KAZN: variants seen among roughly 807,000 people sequenced by gnomAD.
KAZN encodes kazrin.
In KAZN, 40 loss-of-function variants were observed where a neutral mutation model predicts 87.4. The ratio of observed to expected loss-of-function variants is 0.46; its 90% CI spans 0.36 to 0.60. KAZN has a LOEUF of 0.60. Ranked by LOEUF, KAZN falls within the 20% of genes least tolerant of loss-of-function variation. The pLI is 0.00. For synonymous variants in KAZN, 466 were observed against 458.3 expected, an observed-to-expected ratio of 1.02 and a Z score of -0.22; for missense variants, 898 against 1,073.9, an observed-to-expected ratio of 0.84 and a Z score of 2.29.
At chr1:14,995,563 G>A (rs1047269946) in intron 2 of KAZN, among the ~76,000 whole-genome samples, 2 of 152,014 alleles carry the variant, frequency 1.3e-5, no homozygotes, top group Non-Finnish European at 2.9e-5. Flanking sequence ...GGCAGAGGTT[G>A]CAGTGAGCCC....
chr1:14,008,220 A>G (rs1205426408), intron 1 of KAZN, among the ~76,000 whole-genome samples: 2 of 152,158 alleles, frequency 1.3e-5, no homozygotes. Flanking sequence ...GGATAAAAAT[A>G]ACTTCCCATG....
At chr1:14,065,768 GAT>G (rs1441897431) in intron 1 of KAZN, among the ~76,000 whole-genome samples, 2 of 152,090 alleles carry the variant, frequency 1.3e-5, no homozygotes, top group Non-Finnish European at 2.9e-5. Context: ...GCTAGTGACT[GAT>G]CTCAAAGCAG....
intron 2 of KAZN, among the ~76,000 whole-genome samples, chr1:14,511,565 A>G (rs1374210962): frequency 6.6e-6 from 1 of 152,174 alleles, no homozygotes; most frequent in Non-Finnish European, 1.5e-5. Context: ...ATCACAACAC[A>G]TTTATCATTC....
At chr1:14,174,629 C>A (rs2100279316) in intron 1 of KAZN, among the ~76,000 whole-genome samples, 1 of 152,226 alleles carries the variant, frequency 6.6e-6, no homozygotes, top group Non-Finnish European at 1.5e-5. Context: ...AAATAAATAA[C>A]CAAAGGGCCA....
intron 1 of KAZN, among the ~76,000 whole-genome samples, chr1:14,954,599 G>A (rs10927595): frequency 0.055 from 8,301 of 152,282 alleles, 777 homozygotes; most frequent in African/African-American, 0.19. Context: ...TCCTAGCCAC[G>A]TGGGTGCACG....
At chr1:15,103,552 A>C in intron 12 of KAZN, 92 bp downstream of exon 12, 1 of 828,618 alleles carries the variant, frequency 1.2e-6, no homozygotes, top group East Asian at 2.7e-5. Context: ...TCACATGCAA[A>C]TCAATATGCA....
rs528981753 is a variant in KAZN at position 14,694,003 on chromosome 1, T to C, written c.226+94780T>C. Among the ~76,000 whole-genome samples the C allele has an allele frequency of 7.2e-5, 11 of 152,358 alleles. No homozygotes were observed. The East Asian group carries it at 1.9e-3, about 27-fold the overall frequency. ...TTAACTCGAGGCAGTGGTGTGGTTTTAGCACCAAGCTAGAAGGAGATGGGT... is the reference window on the plus strand; with the variant it reads ...TTAACTCGAGGCAGTGGTGTGGTTTCAGCACCAAGCTAGAAGGAGATGGGT... On this transcript the variant is annotated intron_variant, in intron 1 of 14. Coordinates refer to ENST00000376030, the MANE Select transcript of KAZN (RefSeq NM_201628.3).
chr1:13,927,888 A>G, intron 1 of KAZN, among the ~76,000 whole-genome samples: 1 of 152,222 alleles, frequency 6.6e-6, no homozygotes, highest in Admixed American at 6.5e-5. Context: ...AGATATGGTC[A>G]CATGAACATC....
intron 2 of KAZN, among the ~76,000 whole-genome samples, chr1:14,325,488 G>C (rs1392097694): frequency 1.3e-5 from 2 of 152,030 alleles, no homozygotes; most frequent in Admixed American, 6.6e-5. Flanking sequence ...TGATCTATAA[G>C]ACACCATAAA....
At chr1:14,374,515 A>G (rs1660748736) in intron 2 of KAZN, among the ~76,000 whole-genome samples, 1 of 152,196 alleles carries the variant, frequency 6.6e-6, no homozygotes, top group African/African-American at 2.4e-5. Flanking sequence ...CTCACTTATT[A>G]TATCCATTAT....
At chr1:14,344,769 A>G (rs901669779) in intron 2 of KAZN, among the ~76,000 whole-genome samples, 1 of 152,142 alleles carries the variant, frequency 6.6e-6, no homozygotes, top group Non-Finnish European at 1.5e-5. Flanking sequence ...CAAATTGTCA[A>G]TAGGGTCTCT....
chr1:14,675,258 A>G (rs1640150295), intron 1 of KAZN, among the ~76,000 whole-genome samples: 1 of 152,152 alleles, frequency 6.6e-6, no homozygotes, highest in South Asian at 2.1e-4. Context: ...GTTGAACTTG[A>G]AGTAGGATTG....
At chr1:14,761,440 G>A (rs973644735) in intron 1 of KAZN, among the ~76,000 whole-genome samples, 15 of 152,148 alleles carry the variant, frequency 9.9e-5, no homozygotes, top group Non-Finnish European at 1.9e-4. Flanking sequence ...CTTCAACACT[G>A]ATTCAGCATT....
chr1:14,269,898 T>C (rs1651785923), intron 2 of KAZN, among the ~76,000 whole-genome samples: 1 of 152,196 alleles, frequency 6.6e-6, no homozygotes, highest in South Asian at 2.1e-4. Flanking sequence ...AGTATCTCTG[T>C]CTGAGTCTGC....
intron 1 of KAZN, among the ~76,000 whole-genome samples, chr1:14,064,085 C>T (rs553278405): frequency 6.6e-6 from 1 of 152,034 alleles, no homozygotes; most frequent in Non-Finnish European, 1.5e-5. Flanking sequence ...CTGGCTAATT[C>T]TTTTGTATTT....
intron 2 of KAZN, among the ~76,000 whole-genome samples, chr1:14,448,842 T>C (rs1191404596): frequency 6.6e-6 from 1 of 152,164 alleles, no homozygotes; most frequent in Non-Finnish European, 1.5e-5. Context: ...TCAACCCCCA[T>C]GACATTCACA....
chr1:14,083,454 G>T (rs919722772), intron 1 of KAZN, among the ~76,000 whole-genome samples: 1 of 152,184 alleles, frequency 6.6e-6, no homozygotes, highest in South Asian at 2.1e-4. Context: ...GTTGTCTCAT[G>T]TCTCATCTGA....
chr1:13,905,260 A>G (rs777851359), intron 1 of KAZN, among the ~76,000 whole-genome samples: 3 of 152,184 alleles, frequency 2.0e-5, no homozygotes, highest in Admixed American at 6.5e-5. Context: ...CTGTTGACTC[A>G]TGTCTAAGAT....
At chr1:14,002,343 G>C (rs116089576) in intron 1 of KAZN, among the ~76,000 whole-genome samples, 1 of 152,194 alleles carries the variant, frequency 6.6e-6, no homozygotes, top group Non-Finnish European at 1.5e-5. Context: ...TGTTGTGAAA[G>C]GGACCCAGAG....
Sources: gnomAD v4.1 joint callset for allele counts (sites outside exome capture counted in the v4.1 genomes callset) on GRCh38, gnomAD v4.1.1 for gene constraint, MANE v1.5 for transcripts, NCBI Gene and HGNC (gene_info 2026-07-23, HGNC 2026-07-21) for gene names.